PHLDB2: variants seen among roughly 807,000 people sequenced by gnomAD.
PHLDB2 encodes the protein pleckstrin homology-like domain family B member 2.
A neutral mutation model predicts 123.6 loss-of-function variants in PHLDB2; 71 were observed. The observed-to-expected ratio is 0.57, with a 90% CI of 0.47 to 0.70. PHLDB2 has a LOEUF of 0.70. Ranked by LOEUF, PHLDB2 falls within the 30% of genes least tolerant of loss-of-function variation. The pLI is 0.00. For missense variants in PHLDB2, 1,446 were observed against 1,519.5 expected, an observed-to-expected ratio of 0.95 and a Z score of 0.80; for synonymous variants, 547 against 541.6, an observed-to-expected ratio of 1.01 and a Z score of -0.14.
At chr3:111,932,983 T>G (rs957719567) in intron 6 of PHLDB2, among the ~76,000 whole-genome samples, 1 of 152,242 alleles carries the variant, frequency 6.6e-6, no homozygotes, top group East Asian at 1.9e-4. Context: ...TTCTAAGAAC[T>G]TAATGCAGCA....
chr3:111,845,409 A>G (rs1315950343), intron 1 of PHLDB2, among the ~76,000 whole-genome samples: 1 of 151,538 alleles, frequency 6.6e-6, no homozygotes, highest in African/African-American at 2.4e-5. Context: ...AAAAAGTAGA[A>G]GAAATAGTAA....
chr3:111,928,110 A>G (rs1433901162), intron 5 of PHLDB2, among the ~76,000 whole-genome samples: 1 of 152,212 alleles, frequency 6.6e-6, no homozygotes, highest in Non-Finnish European at 1.5e-5. Context: ...TGAATTTGAA[A>G]TGTATCATCC....
chr3:111,913,680 C>T lies in PHLDB2; in HGVS notation c.1697C>T (p.Ser566Phe). The T allele has an allele frequency of 6.2e-7, 1 of 1,613,070 alleles. No individual in the cohort carries two copies. Among genetic ancestry groups the T allele is most frequent in the Non-Finnish European group, 8.5e-7 (1 of 1,179,168 alleles). ...TTTCCGAAAGCTTCCAGCGAGTCCTCTTATCTAAGTATCCTACCAAAGGTA... is the reference window on the plus strand; with the variant it reads ...TTTCCGAAAGCTTCCAGCGAGTCCTTTTATCTAAGTATCCTACCAAAGGTA... ...STFPKASSES[S>F]YLSILPKTPE... The change falls in exon 3 of 18, where the codon TCT becomes TTT. Residue 566 changes from serine (S) to phenylalanine (F), a missense_variant. By Grantham distance (155) the Ser-to-Phe change is radical. This residue lies in a region of PHLDB2 where 832 missense variants were observed against 831.9 expected (regional missense o/e 1.00). Coordinates refer to ENST00000431670, the MANE Select transcript of PHLDB2 (RefSeq NM_001134438.2).
intron 1 of PHLDB2, among the ~76,000 whole-genome samples, chr3:111,805,719 A>G (rs1296946503): frequency 6.7e-6 from 1 of 149,504 alleles, no homozygotes; most frequent in Admixed American, 6.7e-5. Context: ...TAGTGACAGA[A>G]AGCAGGTCAG....
At chr3:111,972,344 G>A (rs966918369) in intron 16 of PHLDB2, among the ~76,000 whole-genome samples, 2 of 152,066 alleles carry the variant, frequency 1.3e-5, no homozygotes, top group Non-Finnish European at 2.9e-5. Context: ...GGGCAAATAG[G>A]TTAGGATATT....
At chr3:111,949,201 T>G (rs2070533498) in intron 10 of PHLDB2, 126 bp downstream of exon 10, 1 of 1,103,518 alleles carries the variant, frequency 9.1e-7, no homozygotes, top group Admixed American at 2.3e-5. Flanking sequence ...GCCAGAGGGG[T>G]AGGGTAAGGC....
At chr3:111,779,878 A>C (rs780707799) in intron 1 of PHLDB2, 517 of 983,564 alleles carry the variant, frequency 5.3e-4, no homozygotes, top group Non-Finnish European at 5.8e-4. Context: ...GTAAGTAGTC[A>C]ATCAGCCATG....
intron 1 of PHLDB2, among the ~76,000 whole-genome samples, chr3:111,803,508 T>C (rs972634428): frequency 6.6e-6 from 1 of 151,980 alleles, no homozygotes; most frequent in Non-Finnish European, 1.5e-5. Flanking sequence ...ATTCGAGCTG[T>C]GAGAACACAT....
At chr3:111,972,278 A>G (rs1174152195) in intron 16 of PHLDB2, among the ~76,000 whole-genome samples, 1 of 152,224 alleles carries the variant, frequency 6.6e-6, no homozygotes, top group Non-Finnish European at 1.5e-5. Context: ...ACATGGTATC[A>G]GTTAAAACAG....
At chr3:111,872,885 C>T (rs756252430) in intron 1 of PHLDB2, among the ~76,000 whole-genome samples, 27 of 152,258 alleles carry the variant, frequency 1.8e-4, no homozygotes, top group East Asian at 1.2e-3. Context: ...AGCTGTGGCA[C>T]GTAAACTAAG....
At chr3:111,823,564 C>T (rs1267166794) in intron 1 of PHLDB2, among the ~76,000 whole-genome samples, 1 of 152,140 alleles carries the variant, frequency 6.6e-6, no homozygotes, top group East Asian at 1.9e-4. Context: ...TCTCACTAGC[C>T]CTTAGGTTTC....
At chr3:111,890,773 C>A (rs2066435027) in intron 2 of PHLDB2, among the ~76,000 whole-genome samples, 1 of 151,980 alleles carries the variant, frequency 6.6e-6, no homozygotes, top group Non-Finnish European at 1.5e-5. Context: ...GGTAAATAAT[C>A]CACTTTGAGT....
intron 5 of PHLDB2, among the ~76,000 whole-genome samples, chr3:111,928,480 C>T (rs2107558630): frequency 6.6e-6 from 1 of 152,224 alleles, no homozygotes; most frequent in African/African-American, 2.4e-5. Flanking sequence ...CAAATTGGGG[C>T]CTGGGAAATA....
chr3:111,974,522 A>G lies in PHLDB2; in HGVS notation c.3721A>G (p.Ile1241Val), dbSNP rs1250426521. The change falls in exon 18 of 18, where the codon ATA becomes GTA. Residue 1241 changes from isoleucine (I) to valine (V), a missense_variant. This residue lies in a region of PHLDB2 where 594 missense variants were observed against 646.0 expected (regional missense o/e 0.92). Transcript: ENST00000431670. Reference protein sequence around the residue: ...PEAMRIWMDVIVTGAEGYTHF... With the variant: ...PEAMRIWMDVVVTGAEGYTHF... ...AGCCATGCGGATCTGGATGGATGTT[A>G]TAGTTACGGGGGCAGAAGGTTACAC... 3 of 1,613,482 alleles carry G rather than the reference A, an allele frequency of 1.9e-6. No individual in the cohort carries two copies. The highest frequency in any genetic ancestry group is 2.5e-6 in the Non-Finnish European group (3 of 1,179,676).
chr3:111,938,365 G>A (rs538063881), intron 6 of PHLDB2, among the ~76,000 whole-genome samples: 5 of 151,884 alleles, frequency 3.3e-5, no homozygotes, highest in African/African-American at 9.6e-5. Flanking sequence ...CCGACACATC[G>A]TCATCACCTA....
intron 1 of PHLDB2, among the ~76,000 whole-genome samples, chr3:111,801,799 A>G (rs1211737931): frequency 1.3e-5 from 2 of 152,240 alleles, no homozygotes; most frequent in South Asian, 2.1e-4. Flanking sequence ...TCAAGTCTAT[A>G]GAGACAGAAC....
intron 1 of PHLDB2, among the ~76,000 whole-genome samples, chr3:111,809,544 C>T (rs1297548901): frequency 2.6e-5 from 4 of 152,198 alleles, no homozygotes; most frequent in Admixed American, 1.3e-4. Flanking sequence ...TCCCTCAGTT[C>T]TTAAAATGGA....
intron 2 of PHLDB2, among the ~76,000 whole-genome samples, chr3:111,852,110 G>T (rs958736840): frequency 6.6e-6 from 1 of 151,838 alleles, no homozygotes; most frequent in African/African-American, 2.4e-5. Flanking sequence ...ATAAAACAGA[G>T]TAGGTGCTTC....
chr3:111,830,895 G>A (rs1359132376), intron 1 of PHLDB2, among the ~76,000 whole-genome samples: 4 of 148,514 alleles, frequency 2.7e-5, no homozygotes, highest in African/African-American at 9.9e-5. Context: ...GATCTTAGGG[G>A]ACTCATTATA....
Sources: gnomAD v4.1 joint callset for allele counts (sites outside exome capture counted in the v4.1 genomes callset) on GRCh38, gnomAD v4.1.1 for gene constraint, gnomAD v4.1.1 regional missense constraint, MANE v1.5 for transcripts, NCBI Gene and HGNC (gene_info 2026-07-23, HGNC 2026-07-21) for gene names.